The following SHANK2 variants were observed in gnomAD, a reference collection of about 807,000 sequenced individuals.
SHANK2 encodes the protein SH3 and multiple ankyrin repeat domains protein 2.
SHANK2 carries 43 observed loss-of-function variants against 133.7 expected under a neutral mutation model. That is an observed-to-expected ratio of 0.32 (90% CI 0.25 to 0.41). The LOEUF is 0.41. SHANK2 is among the 10% of genes least tolerant of loss of function. The probability of loss-of-function intolerance (pLI) is 1.00; values close to 1 mark genes in which losing one functional copy is unlikely to be tolerated. For missense variants in SHANK2, 1,994 were observed against 2,235.8 expected (o/e 0.89, Z 2.18); for synonymous variants, 1,017 against 952.8 (o/e 1.07, Z -1.24).
intron 17 of SHANK2, among the ~76,000 whole-genome samples, chr11:70,540,690 A>G (rs1206011909): frequency 6.6e-6 from 1 of 152,002 alleles, no homozygotes; most frequent in Admixed American, 6.6e-5. Flanking sequence ...CCTGCCCAAC[A>G]TGGTGAAGCC....
rs367730160 is a variant in SHANK2 at position 70,617,760 on chromosome 11, C to T, written c.2061+42068G>A. 7.2e-5 allele frequency among the ~76,000 whole-genome samples: 11 copies of T among 152,138 alleles called. No homozygotes were observed. In the South Asian group the frequency reaches 2.3e-3, roughly 32 times the overall value. On this transcript the variant is annotated intron_variant, in intron 17 of 25. Coordinates refer to ENST00000601538, the MANE Select transcript of SHANK2 (RefSeq NM_012309.5). ...TTTTTCTGAATAAACGTCTACCATG[C>T]CAAGCATGTTAGAAATGTTTGATTC...
intron 25 of SHANK2, among the ~76,000 whole-genome samples, chr11:70,482,158 T>C (rs2135710983): frequency 6.6e-6 from 1 of 152,388 alleles, no homozygotes. Flanking sequence ...CTTTGTCCTC[T>C]GGCCTCAGGC....
chr11:70,470,732 ATTCAATTGAC>A lies in SHANK2; in HGVS notation c.*2127_*2136del, dbSNP rs1448153353. 1.3e-5 allele frequency: 2 copies of A among 152,284 alleles called. No homozygotes were observed. Among genetic ancestry groups the A allele is most frequent in the Admixed American group, 6.5e-5 (1 of 15,282 alleles). The allele number at this position is 152,284 out of a possible 1,614,324, so 9.4% of individuals were successfully genotyped here. On this transcript the variant is annotated 3_prime_UTR_variant, in exon 26 of 26. Transcript: ENST00000601538. ...GCACACGGAAGTAAAGCGCCTTAAT[ATTCAATTGAC>A]TTCAAGTTGGATTGGATCATTTCAA...
chr11:71,252,533 A>T lies in SHANK2; in HGVS notation c.-221T>A, dbSNP rs1379185668. ...GCGGCGCCGCGCCCAGCCCCGCCGG[A>T]GCTCAGGAGCCGCCGCCGCGGCTCA... On this transcript the variant is annotated 5_prime_UTR_variant, in exon 1 of 26. Transcript: ENST00000601538. This position sits in a 1 kb window ranked among gnomAD's most constrained non-coding sequence, Gnocchi z 6.3. 1 of 150,432 alleles carries T rather than the reference A, an allele frequency of 6.6e-6. No homozygotes were observed. The allele number at this position is 150,432 out of a possible 1,614,324, so 9.3% of individuals were successfully genotyped here.
intron 17 of SHANK2, among the ~76,000 whole-genome samples, chr11:70,596,055 G>C (rs1406522825): frequency 6.6e-6 from 1 of 152,198 alleles, no homozygotes; most frequent in African/African-American, 2.4e-5. Flanking sequence ...AGGCAAGAAG[G>C]CCCCTCCCCA....
intron 11 of SHANK2, among the ~76,000 whole-genome samples, chr11:70,822,992 G>A: frequency 7.5e-6 from 1 of 134,108 alleles, no homozygotes. Context: ...GAGCCCATGG[G>A]GGACAGAGGT....
chr11:70,595,162 A>C (rs1454339595), intron 17 of SHANK2, among the ~76,000 whole-genome samples: 2 of 152,126 alleles, frequency 1.3e-5, no homozygotes, highest in Non-Finnish European at 2.9e-5. Context: ...AGAAAAACCC[A>C]GGCTGGCCCC....
chr11:70,575,359 C>T (rs781872810), intron 17 of SHANK2, among the ~76,000 whole-genome samples: 49 of 152,058 alleles, frequency 3.2e-4, no homozygotes, highest in Middle Eastern at 6.8e-3. Flanking sequence ...TAAAAATACA[C>T]ACACAAAAAA....
At chr11:70,632,069 C>T (rs781798794) in intron 17 of SHANK2, 3 of 152,228 alleles carry the variant, frequency 2.0e-5, no homozygotes, top group Non-Finnish European at 4.4e-5. Flanking sequence ...CATTTAGACG[C>T]TAAACATTAG....
intron 17 of SHANK2, among the ~76,000 whole-genome samples, chr11:70,622,810 A>G (rs1057002852): frequency 6.6e-6 from 1 of 152,006 alleles, no homozygotes; most frequent in Non-Finnish European, 1.5e-5. Flanking sequence ...AAGTCAAACA[A>G]GCTGAACAAC....
chr11:70,684,658 G>A (rs1473844528), intron 15 of SHANK2, among the ~76,000 whole-genome samples: 4 of 152,082 alleles, frequency 2.6e-5, no homozygotes, highest in Non-Finnish European at 5.9e-5. Flanking sequence ...CACAGGCTGT[G>A]GAAAGAGTGT....
chr11:70,679,935 C>T (rs1944990457), intron 15 of SHANK2, among the ~76,000 whole-genome samples: 1 of 152,224 alleles, frequency 6.6e-6, no homozygotes, highest in African/African-American at 2.4e-5. Context: ...AGTCCCTTCC[C>T]AGACCCCTGT....
rs1948715044 is a variant in SHANK2, at chr11:70,830,826, C to G, written c.1175-10144G>C. ...AGGTTCAGAGAGGCTGAGCGCTAAG[C>G]TGCCCAGGGCCTGGGAAGGGTCAGA... On this transcript the variant is annotated intron_variant, in intron 11 of 25. Transcript: ENST00000601538. This position sits in a 1 kb window ranked among gnomAD's most constrained non-coding sequence, Gnocchi z 4.4. Among the ~76,000 whole-genome samples, 1 of 152,200 alleles carries G rather than the reference C, an allele frequency of 6.6e-6. No individual in the cohort carries two copies. Among genetic ancestry groups the G allele is most frequent in the South Asian group, 2.1e-4 (1 of 4,832 alleles).
At chr11:70,548,038 C>A (rs2059716778) in intron 17 of SHANK2, among the ~76,000 whole-genome samples, 2 of 152,232 alleles carry the variant, frequency 1.3e-5, no homozygotes, top group African/African-American at 4.8e-5. Flanking sequence ...TGGCCTGGTG[C>A]AGCCTTCTGG....
At chr11:70,763,176 C>A (rs1194353883) in intron 14 of SHANK2, among the ~76,000 whole-genome samples, 3 of 152,200 alleles carry the variant, frequency 2.0e-5, no homozygotes, top group African/African-American at 7.2e-5. Flanking sequence ...GAGCGAAAAC[C>A]AATCTGCCTT....
At chr11:70,784,620 G>A (rs1555046029) in intron 14 of SHANK2, among the ~76,000 whole-genome samples, 1 of 152,060 alleles carries the variant, frequency 6.6e-6, no homozygotes, top group Non-Finnish European at 1.5e-5. Context: ...GAAACCCTGA[G>A]TTCTAATCCG....
At chr11:71,089,009 C>T (rs1263007637) in intron 8 of SHANK2, among the ~76,000 whole-genome samples, 2 of 151,944 alleles carry the variant, frequency 1.3e-5, no homozygotes, top group Non-Finnish European at 2.9e-5. Context: ...TGGGTGACTG[C>T]ACCACCCCAC....
intron 13 of SHANK2, 143 bp from the exon 14 acceptor site, chr11:70,798,699 G>A: frequency 1.6e-6 from 1 of 628,344 alleles, no homozygotes; most frequent in South Asian, 1.8e-5. Context: ...TGGTGTGACT[G>A]CACTTCCTTC....
chr11:71,084,530 C>T (rs1951351642), intron 8 of SHANK2, among the ~76,000 whole-genome samples: 2 of 152,218 alleles, frequency 1.3e-5, no homozygotes, highest in African/African-American at 4.8e-5. Flanking sequence ...ACGCCCAGAA[C>T]CCTGGGACAG....
Sources: gnomAD v4.1 joint callset for allele counts (sites outside exome capture counted in the v4.1 genomes callset) on GRCh38, gnomAD v4.1.1 for gene constraint, Gnocchi (gnomAD v3.1) non-coding constraint, MANE v1.5 for transcripts, NCBI Gene and HGNC (gene_info 2026-07-23, HGNC 2026-07-21) for gene names.